The following LRRC56 variants were observed in gnomAD, a reference collection of about 807,000 sequenced individuals.
LRRC56 encodes the protein leucine rich repeat containing 56.
Under a neutral mutation model 47.8 loss-of-function variants are expected in LRRC56, and 41 were observed. That is an observed-to-expected ratio of 0.86 (90% confidence interval 0.67 to 1.11). The LOEUF is 1.11. LRRC56 is among the 50% of genes most tolerant of loss of function. The pLI, the probability that LRRC56 is intolerant of heterozygous loss-of-function variation, is 0.00. For synonymous variants in LRRC56, 387 were observed against 311.2 expected (o/e 1.24, Z -2.56); for missense variants, 759 against 704.2 (o/e 1.08, Z -0.88).
intron 13 of LRRC56, 84 bp from the exon 14 acceptor site, chr11:553,879 C>A: frequency 7.8e-7 from 1 of 1,276,366 alleles, no homozygotes; most frequent in Non-Finnish European, 1.1e-6. Flanking sequence ...GCTGCAGGGC[C>A]ACGGGTGGGC....
chr11:529,408 G>A, the LRRC56 span: 2 of 152,390 alleles, frequency 1.3e-5, no homozygotes, highest in Non-Finnish European at 2.9e-5. Context: ...GCAGGAGGGG[G>A]TCTCAGCAGC....
chr11:514,172 T>G, the LRRC56 span, among the ~76,000 whole-genome samples: 1 of 151,896 alleles, frequency 6.6e-6, no homozygotes, highest in Non-Finnish European at 1.5e-5. Flanking sequence ...TTTTCCATTT[T>G]TAGTAGAGAC....
At position 541,468 on chromosome 11, in the gene LRRC56, C is replaced by G. The variant is rs543037000; in HGVS notation, c.178-69C>G. On this transcript the variant is annotated intron_variant, in intron 4 of 13. Transcript: ENST00000270115. This position sits in a 1 kb window ranked among gnomAD's most constrained non-coding sequence, Gnocchi z 4.1. ...CAGCGGGAGCCCCAGAGTCCTGTAG[C>G]CAGAAGCAAGGATGGAACTAAAGTG... 2.4e-5 allele frequency: 22 copies of G among 930,050 alleles called. No individual in the cohort carries two copies. The East Asian group carries it at 3.7e-4, about 16-fold the overall frequency. The allele number at this position is 930,050 out of a possible 1,614,324, so 57.6% of individuals were successfully genotyped here.
At chr11:536,641 C>T (rs1339816186), upstream of LRRC56, among the ~76,000 whole-genome samples, 1 of 152,148 alleles carries the variant, frequency 6.6e-6, no homozygotes, top group Non-Finnish European at 1.5e-5. Flanking sequence ...TGCAGTGGCG[C>T]GCGCCTGTAG....
chr11:518,417 G>A, the LRRC56 span, among the ~76,000 whole-genome samples: 2 of 152,126 alleles, frequency 1.3e-5, no homozygotes, highest in East Asian at 1.9e-4. Flanking sequence ...TCCTGACCTC[G>A]TGATCCACCC....
chr11:521,818 G>A, the LRRC56 span, among the ~76,000 whole-genome samples: 4 of 151,954 alleles, frequency 2.6e-5, no homozygotes, highest in African/African-American at 9.7e-5. Flanking sequence ...GGAAGGCTGA[G>A]GCAGGAGAAT....
chr11:552,236 G>A lies in LRRC56; in HGVS notation c.1181+4G>A, dbSNP rs1341231053. 1 of 1,607,552 alleles carries A rather than the reference G, an allele frequency of 6.2e-7. No individual in the cohort carries two copies. The highest frequency in any genetic ancestry group is 8.5e-7 in the Non-Finnish European group (1 of 1,176,262). On this transcript the variant is annotated splice_donor_region_variant and intron_variant, in intron 12 of 13. Coordinates refer to ENST00000270115, the MANE Select transcript of LRRC56 (RefSeq NM_198075.4). ...CCTGGAGGGAACATGGCGTGCGGTG[G>A]GTGTCCCTCCAGCTCTTCCACTGGG...
rs531203025 is a variant in LRRC56 at position 544,617 on chromosome 11, G to A, written c.266-103G>A. ...AGGGAGGCTTGTGAGGCTGGCCCAC[G>A]AGCAGTGAGGGGCCGGGGGTGCTGA... On this transcript the variant is annotated intron_variant, in intron 5 of 13. Transcript: ENST00000270115. 275 of 1,205,572 alleles carry A rather than the reference G, an allele frequency of 2.3e-4. No homozygotes were observed. The African/African-American group carries it at 3.4e-3, about 15-fold the overall frequency. 74.7% of individuals were successfully genotyped at this position (1,205,572 alleles called of 1,614,324 possible).
At chr11:550,727 C>G (rs1003575370) in intron 8 of LRRC56, among the ~76,000 whole-genome samples, 1 of 152,118 alleles carries the variant, frequency 6.6e-6, no homozygotes, top group African/African-American at 2.4e-5. Flanking sequence ...GCTCACAGAC[C>G]CTACACAGGG....
chr11:525,175 G>A, the LRRC56 span, among the ~76,000 whole-genome samples: 81 of 151,928 alleles, frequency 5.3e-4, no homozygotes, highest in Non-Finnish European at 9.7e-4. Context: ...AGGCCGAGGC[G>A]GGCAGATCAC....
the LRRC56 span, among the ~76,000 whole-genome samples, chr11:525,680 G>A: frequency 0.018 from 2,756 of 152,228 alleles, 82 homozygotes; most frequent in African/African-American, 0.062. Context: ...AGGATCACTT[G>A]AGGCCAGGAG....
upstream of LRRC56, chr11:534,464 C>T (rs1851333190): frequency 6.0e-6 from 4 of 667,986 alleles, no homozygotes; most frequent in African/African-American, 5.4e-5. Flanking sequence ...AAGGGCAAAC[C>T]CACAGCGGTC....
upstream of LRRC56, chr11:532,559 C>T: frequency 1.3e-6 from 2 of 1,568,318 alleles, no homozygotes; most frequent in Admixed American, 1.8e-5. Flanking sequence ...GACCGCAGGC[C>T]AGGAGACCGG....
chr11:524,635 AAAAT>A, the LRRC56 span, among the ~76,000 whole-genome samples: 1 of 152,198 alleles, frequency 6.6e-6, no homozygotes, highest in Non-Finnish European at 1.5e-5. Context: ...CTGTCTCAAA[AAAAT>A]AAATTAATTA....
At chr11:552,858 G>C (rs1034679867) in intron 13 of LRRC56, among the ~76,000 whole-genome samples, 156 bp downstream of exon 13, 2 of 152,184 alleles carry the variant, frequency 1.3e-5, no homozygotes, top group South Asian at 4.1e-4. Flanking sequence ...CCTTCTGGGG[G>C]TGGGGGGCTC....
intron 6 of LRRC56, 30 bp from the exon 7 acceptor site, chr11:549,872 A>G (rs769974566): frequency 1.3e-6 from 2 of 1,595,390 alleles, no homozygotes; most frequent in Admixed American, 1.7e-5. Flanking sequence ...GGCTGGGCAC[A>G]TGTTGACCAC....
Position 552,171 on chromosome 11 carries a change from G to A in LRRC56, c.1120G>A (p.Ala374Thr), listed in dbSNP as rs770629911. ...CACTTCCACCCCAGAGCCTGACCCT[G>A]CAGACAGCTCTGACTTCCTGGCCTT... The part of the protein sequence containing the change: ...ASTSTPEPDP[A>T]DSSDFLALAG... Residue 374 changes from alanine to threonine, a missense_variant, in exon 12 of 14, where the codon GCA becomes ACA. Transcript: ENST00000270115. 5.6e-6 allele frequency: 9 copies of A among 1,612,634 alleles called. No individual in the cohort carries two copies. The African/African-American group carries it at 1.2e-4, about 22-fold the overall frequency.
chr11:544,437 C>G (rs781199702), intron 5 of LRRC56, among the ~76,000 whole-genome samples: 7 of 152,174 alleles, frequency 4.6e-5, no homozygotes, highest in Admixed American at 3.9e-4. Flanking sequence ...TGGCTACAGA[C>G]GAGGGGCGCG....
At chr11:525,412 G>A in the LRRC56 span, among the ~76,000 whole-genome samples, 9 of 152,154 alleles carry the variant, frequency 5.9e-5, no homozygotes, top group African/African-American at 9.6e-5. Flanking sequence ...GGTGGCGGCC[G>A]CCTGTAGTCC....
Sources: gnomAD v4.1 joint callset for allele counts (sites outside exome capture counted in the v4.1 genomes callset) on GRCh38, gnomAD v4.1.1 for gene constraint, Gnocchi (gnomAD v3.1) non-coding constraint, MANE v1.5 for transcripts, NCBI Gene and HGNC (gene_info 2026-07-23, HGNC 2026-07-21) for gene names.